The following GALNT2 variants were observed in gnomAD, a reference collection of about 807,000 sequenced individuals.
The protein encoded by GALNT2 is UDP-GalNAc:polypeptide N-acetylgalactosaminyltransferase 2.
Under a neutral mutation model 81.4 loss-of-function variants are expected in GALNT2, and 31 were observed. The ratio of observed to expected loss-of-function variants is 0.38; its 90% confidence interval spans 0.29 to 0.51. GALNT2 has a LOEUF of 0.51. GALNT2 is among the 20% of genes least tolerant of loss of function. The probability of loss-of-function intolerance (pLI) is 0.87; values close to 1 mark genes in which losing one functional copy is unlikely to be tolerated. For synonymous variants in GALNT2, 303 were observed against 287.4 expected (o/e 1.05, Z -0.55); for missense variants, 629 against 765.7 (o/e 0.82, Z 2.11).
At chr1:230,261,049 ATTCC>A (rs1665861645) in intron 11 of GALNT2, among the ~76,000 whole-genome samples, 2 of 144,552 alleles carry the variant, frequency 1.4e-5, no homozygotes, top group South Asian at 4.5e-4. Context: ...ATTTCATTTG[ATTCC>A]TTCCTCATAT....
At chr1:230,057,935 A>G (rs1658953072), upstream of GALNT2, 3 of 439,648 alleles carry the variant, frequency 6.8e-6, no homozygotes, top group Non-Finnish European at 1.4e-5. Context: ...CGGGGCTAGG[A>G]GGATTCCGCT....
At position 230,274,436 on chromosome 1, in the gene GALNT2, G is replaced by A. The variant is rs371017038; in HGVS notation, c.1441-9G>A. On this transcript the variant is annotated splice_polypyrimidine_tract_variant and intron_variant, in intron 14 of 15. Coordinates refer to ENST00000366672, the MANE Select transcript of GALNT2 (RefSeq NM_004481.5). The stretch of plus-strand genomic sequence containing the variant: ...TAGCACGCCTCTGACTTCTGGTTTT[G>A]TGTTCCAGGAATGGGCCTTGACGAA... 92 of 1,612,674 alleles carry A rather than the reference G, an allele frequency of 5.7e-5. No homozygotes were observed. The highest frequency in any genetic ancestry group is 8.4e-5 in the Admixed American group (5 of 59,794).
intron 11 of GALNT2, 95 bp downstream of exon 11, chr1:230,255,439 G>A: frequency 6.7e-7 from 1 of 1,486,352 alleles, no homozygotes; most frequent in Non-Finnish European, 9.3e-7. Context: ...ATGTCCTTCA[G>A]TGGGTGTGGT....
At chr1:230,068,291 T>C (rs970807131) in intron 1 of GALNT2, among the ~76,000 whole-genome samples, 1 of 152,136 alleles carries the variant, frequency 6.6e-6, no homozygotes, top group Non-Finnish European at 1.5e-5. Flanking sequence ...TTCGGGAGGA[T>C]GGTGAGCGCC....
chr1:230,278,732 C>T (rs1417530909), intron 15 of GALNT2, among the ~76,000 whole-genome samples: 1 of 152,184 alleles, frequency 6.6e-6, no homozygotes, highest in Non-Finnish European at 1.5e-5. Flanking sequence ...TAGAAATAGG[C>T]TTCTCAATGC....
intron 2 of GALNT2, among the ~76,000 whole-genome samples, chr1:230,188,276 T>C (rs1663408641): frequency 6.6e-6 from 1 of 152,232 alleles, no homozygotes; most frequent in Admixed American, 6.5e-5. Flanking sequence ...TTAACTCTAT[T>C]TCTTGCCTTG....
At chr1:230,196,292 C>T (rs1663693132) in intron 2 of GALNT2, among the ~76,000 whole-genome samples, 1 of 152,190 alleles carries the variant, frequency 6.6e-6, no homozygotes, top group African/African-American at 2.4e-5. Flanking sequence ...AGTGCCCTTT[C>T]TCCGGGGCTT....
chr1:230,182,723 G>A (rs1663198972), intron 2 of GALNT2, among the ~76,000 whole-genome samples: 1 of 152,126 alleles, frequency 6.6e-6, no homozygotes, highest in Non-Finnish European at 1.5e-5. Flanking sequence ...GACTGAATTA[G>A]TCTATAGATA....
At chr1:230,141,428 C>T (rs974882140) in intron 1 of GALNT2, among the ~76,000 whole-genome samples, 1 of 152,200 alleles carries the variant, frequency 6.6e-6, no homozygotes, top group Non-Finnish European at 1.5e-5. Context: ...GAAACTCTGT[C>T]TCATTAAACA....
chr1:230,155,320 G>T (rs567651313), intron 1 of GALNT2, among the ~76,000 whole-genome samples: 2 of 152,132 alleles, frequency 1.3e-5, no homozygotes, highest in Admixed American at 1.3e-4. Context: ...GCAGGTTTTC[G>T]CTCGGAGGTG....
rs1386232412 is a variant in GALNT2 at position 230,235,983 on chromosome 1, T to A, written c.375-31T>A. 7 of 1,607,072 alleles carry A rather than the reference T, an allele frequency of 4.4e-6. No individual in the cohort carries two copies. In the African/African-American group the frequency reaches 9.4e-5, roughly 21 times the overall value. Reference sequence around the variant, plus strand: ...AAGCTGTGGCTGCTCTGGGGGTCATTGTTCAGAGGACCATCTTTCTCTTCC... The same window carrying A: ...AAGCTGTGGCTGCTCTGGGGGTCATAGTTCAGAGGACCATCTTTCTCTTCC... On this transcript the variant is annotated intron_variant, in intron 3 of 15. Transcript: ENST00000366672.
intron 7 of GALNT2, among the ~76,000 whole-genome samples, chr1:230,245,178 CAG>C (rs924090680): frequency 3.3e-5 from 5 of 151,314 alleles, no homozygotes; most frequent in East Asian, 2.0e-4. Flanking sequence ...AATAGAATCA[CAG>C]GGGCTGGACG....
chr1:230,223,583 G>C lies in GALNT2; in HGVS notation c.375-12431G>C, dbSNP rs372717871. On this transcript the variant is annotated intron_variant, in intron 3 of 15. Coordinates refer to ENST00000366672, the MANE Select transcript of GALNT2 (RefSeq NM_004481.5). The stretch of plus-strand genomic sequence containing the variant: ...TCCCAGGTTCAAGCGATTCTCTCCT[G>C]CCTCAGCCTCCCGAGTAGCTGGGAC... Among the ~76,000 whole-genome samples the C allele has an allele frequency of 1.4e-4, 22 of 152,060 alleles. No homozygotes were observed. The East Asian group carries it at 2.3e-3, about 16-fold the overall frequency.
chr1:230,212,201 G>A (rs559688274), intron 3 of GALNT2, among the ~76,000 whole-genome samples: 1 of 152,258 alleles, frequency 6.6e-6, no homozygotes, highest in South Asian at 2.1e-4. Context: ...TCTGTATCCT[G>A]GGCTCAGGGT....
At chr1:230,216,194 C>T (rs6541306) in intron 3 of GALNT2, among the ~76,000 whole-genome samples, 64,722 of 152,088 alleles carry the variant, frequency 0.43, 14,835 homozygotes, top group African/African-American at 0.61. Context: ...CTTTGCCCCC[C>T]GTCGTGGAAC....
At chr1:230,061,192 A>ATGTGTGTGTG (rs58105454) in intron 1 of GALNT2, among the ~76,000 whole-genome samples, 118 of 148,944 alleles carry the variant, frequency 7.9e-4, no homozygotes, top group African/African-American at 2.6e-3. Flanking sequence ...ATGAGCATAG[A>ATGTGTGTGTG]TGTGTGTGTG....
chr1:230,247,985 C>T (rs538686645), intron 8 of GALNT2, among the ~76,000 whole-genome samples: 18 of 152,314 alleles, frequency 1.2e-4, no homozygotes, highest in African/African-American at 4.3e-4. Flanking sequence ...GCCTTTGAGG[C>T]ACCATGATAA....
chr1:230,276,329 G>T (rs548001006), intron 15 of GALNT2, among the ~76,000 whole-genome samples: 1 of 152,174 alleles, frequency 6.6e-6, no homozygotes, highest in South Asian at 2.1e-4. Context: ...AGAAATGCAA[G>T]CACAAAAGGT....
chr1:230,143,137 C>T (rs1158026256), intron 1 of GALNT2, among the ~76,000 whole-genome samples: 1 of 152,146 alleles, frequency 6.6e-6, no homozygotes, highest in African/African-American at 2.4e-5. Flanking sequence ...AGTCCAGAGA[C>T]TGAACCTCCT....
Sources: allele counts gnomAD v4.1 joint callset (sites outside exome capture counted in the v4.1 genomes callset), GRCh38; gene constraint gnomAD v4.1.1; transcripts MANE v1.5; gene names NCBI Gene and HGNC (gene_info 2026-07-23, HGNC 2026-07-21).